IPO11: variants seen among roughly 807,000 people sequenced by gnomAD.
IPO11 encodes importin 11, also known as importin-11.
In IPO11, 66 loss-of-function variants were observed where a neutral mutation model predicts 143.2. The observed-to-expected ratio is 0.46, with a 90% CI of 0.38 to 0.57. The LOEUF (loss-of-function observed/expected upper bound fraction) is 0.57. Ranked by LOEUF, IPO11 falls within the 20% of genes least tolerant of loss-of-function variation. The pLI is 0.00. For missense variants in IPO11, 1,026 were observed against 1,141.0 expected (o/e 0.90, Z 1.45); for synonymous variants, 385 against 377.8 (o/e 1.02, Z -0.22).
At chr5:62,558,825 G>A (rs186594964) in intron 26 of IPO11, among the ~76,000 whole-genome samples, 14 of 151,884 alleles carry the variant, frequency 9.2e-5, no homozygotes, top group African/African-American at 2.9e-4. Flanking sequence ...ATTTGTTTCC[G>A]ACCTCTTAGA....
At position 62,451,845 on chromosome 5, in the gene IPO11, G is replaced by A. The variant is rs751768550; in HGVS notation, c.428G>A (p.Arg143Gln). The A allele has an allele frequency of 2.5e-6, 4 of 1,613,680 alleles. No individual in the cohort carries two copies. The highest frequency in any genetic ancestry group is 1.6e-4 in the Middle Eastern group (1 of 6,084). The change falls in exon 5 of 30, where the codon CGA (arginine) becomes CAA (glutamine). Residue 143 changes from arginine to glutamine, a missense_variant. Coordinates refer to ENST00000325324, the MANE Select transcript of IPO11 (RefSeq NM_016338.5). ...TCTGTTAAAGTCCAGGATGATCTTC[G>A]ACAGCACAGAGCATTACTTACCTTC... ...IESVKVQDDL[R>Q]QHRALLTFYH...
intron 1 of IPO11, among the ~76,000 whole-genome samples, chr5:62,420,354 T>C (rs1178809089): frequency 1.3e-5 from 2 of 152,098 alleles, no homozygotes; most frequent in Non-Finnish European, 2.9e-5. Flanking sequence ...AGTTGCTTAT[T>C]ATCACTTTCA....
intron 2 of IPO11, among the ~76,000 whole-genome samples, chr5:62,438,325 G>A (rs1378893751): frequency 6.6e-6 from 1 of 152,010 alleles, no homozygotes; most frequent in East Asian, 1.9e-4. Flanking sequence ...AAAAAAGATG[G>A]CTGTTTGGCT....
intron 3 of IPO11, 140 bp downstream of exon 3, chr5:62,443,223 C>T (rs944114264): frequency 3.7e-5 from 18 of 492,808 alleles, no homozygotes; most frequent in South Asian, 8.4e-5. Flanking sequence ...AATACAGAGA[C>T]GATTAGCATG....
intron 15 of IPO11, 144 bp downstream of exon 15, chr5:62,490,364 A>G (rs1746561444): frequency 4.2e-6 from 2 of 480,442 alleles, no homozygotes; most frequent in South Asian, 8.8e-5. Context: ...AAGGAATAAG[A>G]ATTTTGACAT....
intron 24 of IPO11, among the ~76,000 whole-genome samples, chr5:62,538,121 C>CA (rs1380658010): frequency 6.6e-6 from 1 of 152,134 alleles, no homozygotes; most frequent in African/African-American, 2.4e-5. Flanking sequence ...TCTATCACAA[C>CA]AAAGTAGCAT....
intron 27 of IPO11, among the ~76,000 whole-genome samples, chr5:62,568,520 G>T (rs888579334): frequency 1.5e-4 from 20 of 132,794 alleles, no homozygotes; most frequent in Non-Finnish European, 2.1e-4. Flanking sequence ...GTTGCAGTGG[G>T]TCGAGATTGT....
At chr5:62,619,016 A>AGG (rs1411604631) in intron 29 of IPO11, among the ~76,000 whole-genome samples, 1 of 152,042 alleles carries the variant, frequency 6.6e-6, no homozygotes, top group Non-Finnish European at 1.5e-5. Context: ...GGATCACTTG[A>AGG]GGTCAGGAGT....
rs571243539 is a variant in IPO11, at chr5:62,430,704, A to C, written c.-6-6570A>C. The stretch of plus-strand genomic sequence containing the variant: ...AATTTTTTTTTTTTTTTTGAGACAG[A>C]GCCTTGTTCTGTCGCGAGGCTGGAG... On this transcript the variant is annotated intron_variant, in intron 1 of 29. Transcript: ENST00000325324. 4.1e-4 allele frequency among the ~76,000 whole-genome samples: 61 copies of C among 148,304 alleles called. 2 individuals carry two copies. Among genetic ancestry groups the C allele is most frequent in the African/African-American group, 1.5e-3 (60 of 40,140 alleles).
chr5:62,414,105 A>C (rs961141842), intron 1 of IPO11, among the ~76,000 whole-genome samples: 1 of 152,230 alleles, frequency 6.6e-6, no homozygotes, highest in African/African-American at 2.4e-5. Context: ...GGCCAAAGAG[A>C]ATTTTCACCA....
At chr5:62,586,669 T>G (rs1293474592) in intron 27 of IPO11, among the ~76,000 whole-genome samples, 3 of 149,256 alleles carry the variant, frequency 2.0e-5, no homozygotes, top group Non-Finnish European at 3.0e-5. Context: ...GAGAATCATT[T>G]GAACCCAGGA....
chr5:62,529,980 G>A (rs1742490002), intron 21 of IPO11, among the ~76,000 whole-genome samples: 1 of 152,100 alleles, frequency 6.6e-6, no homozygotes, highest in Non-Finnish European at 1.5e-5. Context: ...TTTCATAACT[G>A]CTAATGCGGT....
chr5:62,533,101 T>C (rs1490079271), intron 22 of IPO11, among the ~76,000 whole-genome samples: 1 of 152,194 alleles, frequency 6.6e-6, no homozygotes, highest in Non-Finnish European at 1.5e-5. Flanking sequence ...AGAAATTCTA[T>C]TTACAAATTA....
intron 2 of IPO11, among the ~76,000 whole-genome samples, chr5:62,442,533 T>G (rs1046008042): frequency 6.6e-6 from 1 of 152,184 alleles, no homozygotes; most frequent in Admixed American, 6.5e-5. Context: ...ATATGATATA[T>G]GTAGTGATAG....
chr5:62,509,501 AG>A (rs1027360608), intron 19 of IPO11, among the ~76,000 whole-genome samples: 1 of 152,214 alleles, frequency 6.6e-6, no homozygotes, highest in African/African-American at 2.4e-5. Context: ...TTCTTTGGTA[AG>A]AACACTTAAC....
At chr5:62,581,005 A>C (rs1744536007) in intron 27 of IPO11, 3 of 1,551,174 alleles carry the variant, frequency 1.9e-6, no homozygotes, top group Admixed American at 2.0e-5. Flanking sequence ...AGAAGTTGAG[A>C]AGTTGAATGA....
chr5:62,542,158 C>T (rs1204019547), intron 24 of IPO11, among the ~76,000 whole-genome samples: 1 of 151,202 alleles, frequency 6.6e-6, no homozygotes, highest in East Asian at 1.9e-4. Context: ...TCACCACAAC[C>T]TCAAAAAAAG....
chr5:62,607,701 G>A (rs182012234), intron 29 of IPO11, among the ~76,000 whole-genome samples: 1 of 152,006 alleles, frequency 6.6e-6, no homozygotes, highest in Admixed American at 6.6e-5. Flanking sequence ...TTAGTATTCA[G>A]CTTACATGCA....
chr5:62,431,948 C>T (rs1048649637), intron 1 of IPO11, among the ~76,000 whole-genome samples: 2 of 151,552 alleles, frequency 1.3e-5, no homozygotes, highest in African/African-American at 4.8e-5. Context: ...TACATACATA[C>T]ATACATACAT....
Sources: allele counts gnomAD v4.1 joint callset (sites outside exome capture counted in the v4.1 genomes callset), GRCh38; gene constraint gnomAD v4.1.1; transcripts MANE v1.5; gene names NCBI Gene and HGNC (gene_info 2026-07-23, HGNC 2026-07-21).